The following ZNF804B variants were observed in gnomAD, a reference collection of about 807,000 sequenced individuals.
ZNF804B encodes the protein zinc finger 804B.
In ZNF804B, 80 loss-of-function variants were observed where a neutral mutation model predicts 101.4. The observed-to-expected ratio is 0.79, with a 90% CI of 0.66 to 0.95. The LOEUF (loss-of-function observed/expected upper bound fraction) is 0.95, where lower values mean the gene tolerates loss of function less well. Ranked by LOEUF, ZNF804B falls within the 40% of genes least tolerant of loss-of-function variation. The pLI is 0.00. For synonymous variants in ZNF804B, 622 were observed against 558.8 expected (o/e 1.11, Z -1.59); for missense variants, 1,673 against 1,561.9 (o/e 1.07, Z -1.20).
chr7:88,866,197 G>T (rs1302269685), intron 1 of ZNF804B, among the ~76,000 whole-genome samples: 3 of 152,138 alleles, frequency 2.0e-5, no homozygotes, highest in African/African-American at 7.2e-5. Flanking sequence ...ATAAACTCTT[G>T]ATTTAATTGT....
chr7:89,117,794 T>A (rs1790333013), intron 1 of ZNF804B, among the ~76,000 whole-genome samples: 1 of 152,188 alleles, frequency 6.6e-6, no homozygotes, highest in Admixed American at 6.5e-5. Context: ...TTGCTTTATT[T>A]CATAGCTGGC....
intron 2 of ZNF804B, among the ~76,000 whole-genome samples, chr7:89,278,220 G>T (rs1790021821): frequency 1.2e-5 from 1 of 86,744 alleles, no homozygotes; most frequent in Non-Finnish European, 2.8e-5. Flanking sequence ...TTGTAAATTT[G>T]TTGGAGTTCA....
At chr7:88,802,495 T>C (rs1421727100) in intron 1 of ZNF804B, among the ~76,000 whole-genome samples, 1 of 151,320 alleles carries the variant, frequency 6.6e-6, no homozygotes, top group East Asian at 2.0e-4. Context: ...TCCCCCTATC[T>C]CAGGGAAAAG....
chr7:88,821,377 C>T (rs915089428), intron 1 of ZNF804B, among the ~76,000 whole-genome samples: 6 of 152,016 alleles, frequency 3.9e-5, no homozygotes, highest in South Asian at 2.1e-4. Context: ...TGACTTTACT[C>T]GATATTTTCA....
intron 1 of ZNF804B, among the ~76,000 whole-genome samples, chr7:88,878,984 G>A (rs183184738): frequency 5.0e-4 from 76 of 152,148 alleles, no homozygotes; most frequent in African/African-American, 1.6e-3. Context: ...GTACATCAGC[G>A]TCACAGACCA....
At chr7:88,853,703 A>G (rs1583976676) in intron 1 of ZNF804B, among the ~76,000 whole-genome samples, 1 of 152,134 alleles carries the variant, frequency 6.6e-6, no homozygotes, top group African/African-American at 2.4e-5. Flanking sequence ...TCACTGAACT[A>G]TCAATGTACC....
rs575945680 is a variant in ZNF804B, at chr7:89,329,708, G to A, written c.380+2234G>A. ...CTGAGGGTTTAGTCCCTCTCTGTATGTGAACTTCTTATGTATGTAAGTTTT... is the reference window on the plus strand; with the variant it reads ...CTGAGGGTTTAGTCCCTCTCTGTATATGAACTTCTTATGTATGTAAGTTTT... On this transcript the variant is annotated intron_variant, in intron 3 of 3. Coordinates refer to ENST00000333190, the MANE Select transcript of ZNF804B (RefSeq NM_181646.5). Among the ~76,000 whole-genome samples, 4 of 151,718 alleles carry A rather than the reference G, an allele frequency of 2.6e-5. 1 individual carries two copies. In the South Asian group the frequency reaches 8.3e-4, roughly 31 times the overall value.
rs146835899 is a variant in ZNF804B at position 89,042,534 on chromosome 7, G to T, written c.109-175621G>T. 4.8e-3 allele frequency among the ~76,000 whole-genome samples: 735 copies of T among 152,158 alleles called. 7 individuals are homozygous for T. Among genetic ancestry groups the T allele is most frequent in the African/African-American group, 0.016 (676 of 41,526 alleles). ...GATACTGAGTCAAATTTAAAGGCTTGAATTTCTAATGATATGTAAACTTTG... is the reference window on the plus strand; with the variant it reads ...GATACTGAGTCAAATTTAAAGGCTTTAATTTCTAATGATATGTAAACTTTG... On this transcript the variant is annotated intron_variant, in intron 1 of 3. Transcript: ENST00000333190.
Position 89,075,576 on chromosome 7 carries a change from G to A in ZNF804B, c.109-142579G>A, listed in dbSNP as rs148029318. Among the ~76,000 whole-genome samples, 866 of 152,338 alleles carry A rather than the reference G, an allele frequency of 5.7e-3. 9 individuals are homozygous for A. Among genetic ancestry groups the A allele is most frequent in the African/African-American group, 0.019 (777 of 41,572 alleles). ...GATGTCCAGACAGAAGTTTGCTGCA[G>A]GGGTGGAGCTCTCATAGAGAACATC... On this transcript the variant is annotated intron_variant, in intron 1 of 3. Coordinates refer to ENST00000333190, the MANE Select transcript of ZNF804B (RefSeq NM_181646.5).
intron 1 of ZNF804B, among the ~76,000 whole-genome samples, chr7:88,818,086 T>A (rs1220060015): frequency 6.6e-6 from 1 of 152,178 alleles, no homozygotes. Context: ...TTTCAGTGAC[T>A]GTAAAAGAAA....
At chr7:88,944,209 C>T (rs1442195418) in intron 1 of ZNF804B, among the ~76,000 whole-genome samples, 1 of 151,672 alleles carries the variant, frequency 6.6e-6, no homozygotes, top group African/African-American at 2.4e-5. Flanking sequence ...ATGTTGCACT[C>T]CCACCAGTAG....
intron 1 of ZNF804B, among the ~76,000 whole-genome samples, chr7:89,178,789 G>A (rs1205843282): frequency 6.6e-6 from 1 of 151,900 alleles, no homozygotes; most frequent in African/African-American, 2.4e-5. Flanking sequence ...ATTTCTTATT[G>A]CTTATTAACA....
chr7:88,910,961 T>A (rs899675922), intron 1 of ZNF804B, among the ~76,000 whole-genome samples: 3 of 151,988 alleles, frequency 2.0e-5, no homozygotes, highest in Non-Finnish European at 2.9e-5. Flanking sequence ...TTGAAGTAAC[T>A]TTAGAATAGA....
chr7:89,331,733 A>C (rs1790986331), intron 3 of ZNF804B, among the ~76,000 whole-genome samples: 1 of 151,658 alleles, frequency 6.6e-6, no homozygotes, highest in African/African-American at 2.4e-5. Context: ...AGTAAAATAG[A>C]AATAAAATCA....
At chr7:88,887,602 G>C (rs901622610) in intron 1 of ZNF804B, among the ~76,000 whole-genome samples, 5 of 151,980 alleles carry the variant, frequency 3.3e-5, no homozygotes, top group Non-Finnish European at 7.4e-5. Flanking sequence ...CCTTATTTCT[G>C]AGCTCTCTAT....
At chr7:89,127,488 G>A (rs1404522320) in intron 1 of ZNF804B, among the ~76,000 whole-genome samples, 2 of 151,750 alleles carry the variant, frequency 1.3e-5, no homozygotes, top group Admixed American at 6.6e-5. Flanking sequence ...TCTTGAGAAA[G>A]TTATATAGTA....
At chr7:89,123,166 T>A (rs987405353) in intron 1 of ZNF804B, among the ~76,000 whole-genome samples, 2 of 151,986 alleles carry the variant, frequency 1.3e-5, no homozygotes, top group East Asian at 3.9e-4. Flanking sequence ...GCTTTTTTTT[T>A]TTTTTAATGT....
chr7:88,854,737 A>C (rs1791529622), intron 1 of ZNF804B, among the ~76,000 whole-genome samples: 1 of 142,424 alleles, frequency 7.0e-6, no homozygotes, highest in Non-Finnish European at 1.5e-5. Flanking sequence ...TATATCTCCT[A>C]ATACTATCCC....
chr7:88,960,406 G>T (rs529431767), intron 1 of ZNF804B, among the ~76,000 whole-genome samples: 4 of 151,412 alleles, frequency 2.6e-5, no homozygotes, highest in African/African-American at 9.7e-5. Context: ...AGGAAAATGT[G>T]TATGTGCGGG....
Sources: allele counts gnomAD v4.1 joint callset (sites outside exome capture counted in the v4.1 genomes callset), GRCh38; gene constraint gnomAD v4.1.1; transcripts MANE v1.5; gene names NCBI Gene and HGNC (gene_info 2026-07-23, HGNC 2026-07-21).